The following LAMA3 variants were observed in gnomAD, a reference collection of about 807,000 sequenced individuals.
The protein encoded by LAMA3 is laminin subunit alpha-3.
A neutral mutation model predicts 402.0 loss-of-function variants in LAMA3; 281 were observed. The ratio of observed to expected loss-of-function variants is 0.70; its 90% CI spans 0.63 to 0.77. The LOEUF is 0.77. LAMA3 is among the 30% of genes least tolerant of loss of function. LAMA3 has a pLI of 0.00. For missense variants in LAMA3, 3,840 were observed against 4,215.5 expected, an observed-to-expected ratio of 0.91 and a Z score of 2.47; for synonymous variants, 1,431 against 1,558.4, an observed-to-expected ratio of 0.92 and a Z score of 1.93.
chr18:23,931,021 T>C (rs1476272688), intron 64 of LAMA3, 41 bp from the exon 65 acceptor site: 3 of 1,567,070 alleles, frequency 1.9e-6, no homozygotes, highest in East Asian at 2.2e-5. Flanking sequence ...ATAATCCTTA[T>C]ATGCAAATTA....
intron 47 of LAMA3, among the ~76,000 whole-genome samples, chr18:23,900,070 CGTGT>C (rs35969367): frequency 6.6e-6 from 1 of 150,632 alleles, no homozygotes; most frequent in African/African-American, 2.4e-5. Flanking sequence ...TGTGTGTGTG[CGTGT>C]GTGTGTGTGT....
In LAMA3 at chr18:23,907,985, A is replaced by G. The variant is rs373189273; in HGVS notation, c.7015+50A>G. 1.4e-4 allele frequency: 216 copies of G among 1,579,112 alleles called. No individual in the cohort carries two copies. The African/African-American group carries it at 2.7e-3, about 20-fold the overall frequency. On this transcript the variant is annotated intron_variant, in intron 54 of 74. Coordinates refer to ENST00000313654, the MANE Select transcript of LAMA3 (RefSeq NM_198129.4). The stretch of plus-strand genomic sequence containing the variant: ...CATCTTAGCCATTCTCTCCATTGTT[A>G]TGTGTTTTGGTCCATTTCCATTCTT...
rs182962365 is a variant in LAMA3, at chr18:23,758,484, G to A, written c.1036G>A (p.Ala346Thr). ...GYNQRRWRPA[A>T]WEQSHECEAC... Reference sequence around the variant, plus strand: ...CAATCAGAGGCGCTGGCGGCCCGCCGCTTGGGAGCAGAGCCACGAGTGTGA... The same window carrying A: ...CAATCAGAGGCGCTGGCGGCCCGCCACTTGGGAGCAGAGCCACGAGTGTGA... Residue 346 changes from alanine to threonine, a missense_variant, in exon 7 of 75, where the codon GCT becomes ACT. By Grantham distance (58) the Ala-to-Thr change is moderately conservative. This residue lies in a region of LAMA3 where 2,109 missense variants were observed against 2,376.0 expected (regional missense o/e 0.89). Coordinates refer to ENST00000313654, the MANE Select transcript of LAMA3 (RefSeq NM_198129.4). 355 of 1,614,042 alleles carry A rather than the reference G, an allele frequency of 2.2e-4. 2 individuals are homozygous for A. In the African/African-American group the frequency reaches 4.2e-3, roughly 19 times the overall value.
intron 39 of LAMA3, among the ~76,000 whole-genome samples, chr18:23,876,697 A>C (rs1243860085): frequency 6.6e-6 from 1 of 152,090 alleles, no homozygotes; most frequent in Non-Finnish European, 1.5e-5. Flanking sequence ...TTGGAAGTTA[A>C]CTCTTGCCAG....
chr18:23,704,152 G>T (rs1466970049), intron 1 of LAMA3, among the ~76,000 whole-genome samples: 1 of 152,224 alleles, frequency 6.6e-6, no homozygotes, highest in African/African-American at 2.4e-5. Context: ...TGCTTATCTT[G>T]CCGGGCTTTT....
intron 42 of LAMA3, 95 bp from the exon 43 acceptor site, chr18:23,894,203 A>G: frequency 2.0e-6 from 2 of 988,802 alleles, no homozygotes; most frequent in Non-Finnish European, 3.2e-6. Context: ...AACTAATAAA[A>G]CTTTGCAAAA....
At chr18:23,821,835 A>C (rs1280750766) in intron 19 of LAMA3, among the ~76,000 whole-genome samples, 1 of 152,164 alleles carries the variant, frequency 6.6e-6, no homozygotes, top group African/African-American at 2.4e-5. Context: ...CGGACTCTGA[A>C]GCAGTCTCTC....
chr18:23,723,768 C>G (rs1436344495), intron 2 of LAMA3, among the ~76,000 whole-genome samples: 1 of 151,952 alleles, frequency 6.6e-6, no homozygotes, highest in Non-Finnish European at 1.5e-5. Context: ...TAGTACCAAC[C>G]TAGGAGGGTT....
intron 67 of LAMA3, among the ~76,000 whole-genome samples, chr18:23,937,077 C>T (rs968914425): frequency 6.6e-5 from 10 of 152,036 alleles, no homozygotes; most frequent in Non-Finnish European, 1.2e-4. Context: ...GCAAAAGAGT[C>T]GGGGCTGGCT....
Position 23,894,996 on chromosome 18 carries a change from A to G in LAMA3, c.5551A>G (p.Ser1851Gly). The G allele has an allele frequency of 6.2e-7, 1 of 1,613,518 alleles. No individual in the cohort carries two copies. The change falls in exon 44 of 75, where the codon AGT becomes GGT. Residue 1851 changes from serine (S) to glycine (G), a missense_variant. This residue lies in a region of LAMA3 where 891 missense variants were observed against 857.5 expected (regional missense o/e 1.04). Transcript: ENST00000313654. Reference protein sequence around the residue: ...RLVKSQLQGLSASAGLLEQMR... With the variant: ...RLVKSQLQGLGASAGLLEQMR... Reference sequence around the variant, plus strand: ...GGTCAAGTCTCAGCTGCAGGGCCTGAGTGCCAGCGCAGGGCTTCTGGAGCA... The same window carrying G: ...GGTCAAGTCTCAGCTGCAGGGCCTGGGTGCCAGCGCAGGGCTTCTGGAGCA...
chr18:23,746,905 A>G (rs1298658634), intron 2 of LAMA3, among the ~76,000 whole-genome samples: 4 of 151,636 alleles, frequency 2.6e-5, no homozygotes, highest in Non-Finnish European at 1.5e-5. Flanking sequence ...ACAACTTACC[A>G]TACTACTGTT....
At chr18:23,853,129 C>T (rs1276739657) in intron 32 of LAMA3, among the ~76,000 whole-genome samples, 2 of 152,182 alleles carry the variant, frequency 1.3e-5, no homozygotes, top group Non-Finnish European at 2.9e-5. Flanking sequence ...CCCTCCCTCC[C>T]ATGTCCCCTA....
chr18:23,853,757 C>T (rs762478856), intron 32 of LAMA3, among the ~76,000 whole-genome samples: 57 of 152,172 alleles, frequency 3.7e-4, no homozygotes, highest in Non-Finnish European at 7.3e-5. Context: ...CCTTGGGTAC[C>T]AGAAATTCTG....
intron 2 of LAMA3, among the ~76,000 whole-genome samples, chr18:23,729,179 CAGAG>C (rs1275471945): frequency 2.0e-5 from 3 of 148,038 alleles, no homozygotes; most frequent in Non-Finnish European, 4.5e-5. Flanking sequence ...GAGAGAGAGA[CAGAG>C]AGATCTCAAC....
At chr18:23,759,112 G>A (rs1219505566) in intron 7 of LAMA3, among the ~76,000 whole-genome samples, 4 of 151,960 alleles carry the variant, frequency 2.6e-5, no homozygotes, top group African/African-American at 9.7e-5. Context: ...GCAAAGGTGG[G>A]AGGATTGCTT....
At chr18:23,722,414 G>A (rs766535238) in intron 2 of LAMA3, among the ~76,000 whole-genome samples, 1 of 152,080 alleles carries the variant, frequency 6.6e-6, no homozygotes, top group Non-Finnish European at 1.5e-5. Context: ...GTATCCATGG[G>A]GCTTAAAAGT....
chr18:23,851,719 G>T (rs1192149354), intron 32 of LAMA3, among the ~76,000 whole-genome samples: 1 of 152,176 alleles, frequency 6.6e-6, no homozygotes, highest in Non-Finnish European at 1.5e-5. Context: ...CTCCAGTCCT[G>T]ATCCTTGAGG....
intron 18 of LAMA3, among the ~76,000 whole-genome samples, chr18:23,818,421 A>G (rs111788563): frequency 2.0e-4 from 30 of 152,366 alleles, no homozygotes; most frequent in African/African-American, 6.5e-4. Context: ...GTGGTAAATT[A>G]TAACTGAAAT....
intron 24 of LAMA3, chr18:23,834,444 C>A (rs2063544643): frequency 6.0e-6 from 1 of 167,866 alleles, no homozygotes; most frequent in Non-Finnish European, 1.3e-5. Context: ...TGATGATTGT[C>A]AAGTGGAAAA....
Sources: allele counts gnomAD v4.1 joint callset (sites outside exome capture counted in the v4.1 genomes callset), GRCh38; gene constraint gnomAD v4.1.1; regional missense constraint gnomAD v4.1.1; transcripts MANE v1.5; gene names NCBI Gene and HGNC (gene_info 2026-07-23, HGNC 2026-07-21).